The following SPAG16 variants were observed in gnomAD, a reference collection of about 807,000 sequenced individuals.
SPAG16 encodes sperm-associated antigen 16 protein.
In SPAG16, 86 loss-of-function variants were observed where a neutral mutation model predicts 80.4. That is an observed-to-expected ratio of 1.07 (90% CI 0.90 to 1.28). SPAG16 has a LOEUF of 1.28. Among genes scored for constraint, SPAG16 ranks in the 50% most tolerant of loss-of-function variants. SPAG16 has a pLI of 0.00. For missense variants in SPAG16, 870 were observed against 765.3 expected (o/e 1.14, Z -1.61); for synonymous variants, 294 against 265.9 (o/e 1.11, Z -1.03).
intron 13 of SPAG16, among the ~76,000 whole-genome samples, chr2:214,048,758 C>T (rs1393009628): frequency 6.6e-6 from 1 of 151,922 alleles, no homozygotes; most frequent in Non-Finnish European, 1.5e-5. Context: ...TGATGGATAC[C>T]CTAATGTGAT....
intron 9 of SPAG16, among the ~76,000 whole-genome samples, chr2:213,423,326 C>T (rs955779179): frequency 6.6e-6 from 1 of 152,074 alleles, no homozygotes; most frequent in African/African-American, 2.4e-5. Context: ...TGTGTAGCTC[C>T]TAACATTAGA....
intron 11 of SPAG16, among the ~76,000 whole-genome samples, chr2:213,887,154 T>G (rs1010078110): frequency 3.9e-5 from 6 of 152,224 alleles, no homozygotes; most frequent in Admixed American, 3.3e-4. Flanking sequence ...ACAATACAAT[T>G]AACAGAATAA....
Position 213,616,620 on chromosome 2 carries a change from A to G in SPAG16, c.1070+126530A>G, listed in dbSNP as rs982461543. 3.9e-5 allele frequency among the ~76,000 whole-genome samples: 6 copies of G among 152,250 alleles called. 2 individuals carry two copies. In the South Asian group the frequency reaches 1.2e-3, roughly 31 times the overall value. ...AGAATCCTGAGGGAGTTGATTAAACATGCAGATTCCTGATCTCTGGCCCAA... is the reference window on the plus strand; with the variant it reads ...AGAATCCTGAGGGAGTTGATTAAACGTGCAGATTCCTGATCTCTGGCCCAA... On this transcript the variant is annotated intron_variant, in intron 10 of 15. Transcript: ENST00000331683.
At chr2:213,424,637 A>G (rs1005319366) in intron 9 of SPAG16, among the ~76,000 whole-genome samples, 4 of 152,210 alleles carry the variant, frequency 2.6e-5, no homozygotes, top group Non-Finnish European at 5.9e-5. Flanking sequence ...AATGACTCTA[A>G]TGGCATAAAA....
At chr2:214,248,301 A>T (rs1247321018) in intron 15 of SPAG16, among the ~76,000 whole-genome samples, 1 of 105,816 alleles carries the variant, frequency 9.5e-6, no homozygotes, top group Non-Finnish European at 2.1e-5. Flanking sequence ...TATTATTATT[A>T]TTATTATTAT....
At chr2:214,314,756 G>A (rs1023720846) in intron 15 of SPAG16, among the ~76,000 whole-genome samples, 1 of 152,128 alleles carries the variant, frequency 6.6e-6, no homozygotes, top group African/African-American at 2.4e-5. Flanking sequence ...AAAAAAAGTG[G>A]GTTCACATTA....
At chr2:214,261,474 G>C (rs1297495196) in intron 15 of SPAG16, among the ~76,000 whole-genome samples, 1 of 152,094 alleles carries the variant, frequency 6.6e-6, no homozygotes, top group Non-Finnish European at 1.5e-5. Context: ...CAAAAGCTTT[G>C]CTTTCTGAAA....
chr2:213,508,919 A>T (rs1171852763), intron 10 of SPAG16, among the ~76,000 whole-genome samples: 5 of 121,934 alleles, frequency 4.1e-5, no homozygotes, highest in Non-Finnish European at 8.0e-5. Context: ...AAGTATAATT[A>T]AAAAAAAAAA....
intron 13 of SPAG16, among the ~76,000 whole-genome samples, chr2:214,025,126 A>G (rs1391268468): frequency 6.6e-6 from 1 of 151,658 alleles, no homozygotes. Flanking sequence ...TTGGAAATCA[A>G]AAAGGGTCAG....
chr2:213,786,645 C>A (rs1354934047), intron 10 of SPAG16, among the ~76,000 whole-genome samples: 1 of 152,060 alleles, frequency 6.6e-6, no homozygotes, highest in Non-Finnish European at 1.5e-5. Context: ...TAGAGCTATG[C>A]AAACTGTGTA....
At position 213,983,939 on chromosome 2, in the gene SPAG16, T is replaced by G. The variant is rs149227408; in HGVS notation, c.1401-30012T>G. On this transcript the variant is annotated intron_variant, in intron 12 of 15. Coordinates refer to ENST00000331683, the MANE Select transcript of SPAG16 (RefSeq NM_024532.5). ...TGCAAGTCATTATAAATTCCTGCCC[T>G]TATCATATACATCATACATGAAAAT... Among the ~76,000 whole-genome samples the G allele has an allele frequency of 4.8e-3, 732 of 152,152 alleles. 4 individuals are homozygous for G. The highest frequency in any genetic ancestry group is 7.8e-3 in the Non-Finnish European group (533 of 67,992).
intron 5 of SPAG16, among the ~76,000 whole-genome samples, chr2:213,327,469 T>C (rs1575210173): frequency 6.6e-6 from 1 of 152,096 alleles, no homozygotes; most frequent in East Asian, 1.9e-4. Flanking sequence ...CTTTGTTTCC[T>C]GGGACGAGCA....
intron 6 of SPAG16, among the ~76,000 whole-genome samples, chr2:213,346,403 A>G (rs2064992683): frequency 6.6e-6 from 1 of 152,186 alleles, no homozygotes; most frequent in Admixed American, 6.5e-5. Context: ...CCCTGGCCAG[A>G]ACTTCCAACA....
intron 15 of SPAG16, among the ~76,000 whole-genome samples, chr2:214,377,705 C>T (rs997970764): frequency 2.0e-5 from 3 of 152,120 alleles, no homozygotes; most frequent in Admixed American, 6.6e-5. Flanking sequence ...ATGGGGTCAG[C>T]ACCCCTAACC....
At chr2:213,374,369 G>A (rs1348846698) in intron 8 of SPAG16, among the ~76,000 whole-genome samples, 1 of 151,896 alleles carries the variant, frequency 6.6e-6, no homozygotes. Context: ...TATAACCTTA[G>A]TTTTTTGCAA....
chr2:213,357,928 A>G (rs1423657614), intron 7 of SPAG16, among the ~76,000 whole-genome samples: 1 of 152,178 alleles, frequency 6.6e-6, no homozygotes, highest in African/African-American at 2.4e-5. Context: ...TGCTTCCTTC[A>G]GGAGCTCTTG....
chr2:213,732,140 CA>C (rs1345482273), intron 10 of SPAG16, among the ~76,000 whole-genome samples: 1 of 152,122 alleles, frequency 6.6e-6, no homozygotes, highest in African/African-American at 2.4e-5. Context: ...TATGGCTAGC[CA>C]GTTTTCCCAG....
chr2:213,579,919 C>T (rs2060247622), intron 10 of SPAG16, among the ~76,000 whole-genome samples: 1 of 152,076 alleles, frequency 6.6e-6, no homozygotes, highest in Admixed American at 6.6e-5. Context: ...AGTGATTATA[C>T]ATAAATAAAT....
chr2:214,197,130 T>G (rs1429018388), intron 15 of SPAG16, among the ~76,000 whole-genome samples: 2 of 152,020 alleles, frequency 1.3e-5, no homozygotes, highest in African/African-American at 4.8e-5. Context: ...CTGACTATAT[T>G]CCACTCAGTT....
Sources: allele counts gnomAD v4.1 joint callset (sites outside exome capture counted in the v4.1 genomes callset), GRCh38; gene constraint gnomAD v4.1.1; transcripts MANE v1.5; gene names NCBI Gene and HGNC (gene_info 2026-07-23, HGNC 2026-07-21).